RBM26: variants seen among roughly 807,000 people sequenced by gnomAD.
The protein encoded by RBM26 is RNA-binding protein 26.
A neutral mutation model predicts 123.6 loss-of-function variants in RBM26; 30 were observed. The observed-to-expected ratio is 0.24, with a 90% CI of 0.18 to 0.33. The LOEUF (loss-of-function observed/expected upper bound fraction) is 0.33, where lower values mean the gene tolerates loss of function less well. RBM26 is among the 10% of genes least tolerant of loss of function. RBM26 has a pLI of 1.00. For synonymous variants in RBM26, 400 were observed against 404.4 expected (o/e 0.99, Z 0.13); for missense variants, 947 against 1,203.6 (o/e 0.79, Z 3.15).
At chr13:79,345,641 AAAG>A (rs144494110) in intron 14 of RBM26, among the ~76,000 whole-genome samples, 4,056 of 152,208 alleles carry the variant, frequency 0.027, 185 homozygotes, top group African/African-American at 0.092. Context: ...TCTATAAAAT[AAAG>A]AAGATGAACA....
chr13:79,328,430 T>A (rs1387578309), intron 20 of RBM26, among the ~76,000 whole-genome samples: 4 of 150,658 alleles, frequency 2.7e-5, no homozygotes, highest in African/African-American at 9.8e-5. Context: ...TTAGACCAAA[T>A]AAGTTCCACG....
At chr13:79,348,047 C>G (rs769158696) in intron 14 of RBM26, among the ~76,000 whole-genome samples, 13 of 152,054 alleles carry the variant, frequency 8.5e-5, no homozygotes, top group Non-Finnish European at 1.9e-4. Context: ...CTCCCTCATT[C>G]TACTAACATC....
At chr13:79,384,543 C>G (rs1198111691) in intron 1 of RBM26, among the ~76,000 whole-genome samples, 1 of 152,042 alleles carries the variant, frequency 6.6e-6, no homozygotes, top group Non-Finnish European at 1.5e-5. Context: ...CAGGTGAGAG[C>G]AATAGTGCCC....
intron 14 of RBM26, among the ~76,000 whole-genome samples, chr13:79,346,498 A>C (rs902856244): frequency 3.3e-5 from 5 of 151,994 alleles, no homozygotes; most frequent in African/African-American, 1.2e-4. Flanking sequence ...TCAGCCTCCC[A>C]AGTAGCTGGG....
chr13:79,344,173 C>A lies in RBM26; in HGVS notation c.2259+75G>T, dbSNP rs781577365. ...CCAATTATAGTAAATCTTTTTATGA[C>A]TAGGTAGCATAAGATTAAGTTCACT... is the stretch of plus-strand genomic sequence containing the variant. On this transcript the variant is annotated intron_variant, in intron 16 of 21. Coordinates refer to ENST00000438737, the MANE Select transcript of RBM26 (RefSeq NM_001366735.2). The A allele has an allele frequency of 6.7e-6, 6 of 896,892 alleles. No homozygotes were observed. The African/African-American group carries it at 9.9e-5, about 15-fold the overall frequency. The allele number at this position is 896,892 out of a possible 1,614,324, so 55.6% of individuals were successfully genotyped here. A position where few individuals can be genotyped will look rare whatever the true frequency, so the allele number is the denominator to read the frequency against.
chr13:79,326,505 C>G (rs945218669), intron 20 of RBM26, among the ~76,000 whole-genome samples: 1 of 152,064 alleles, frequency 6.6e-6, no homozygotes, highest in East Asian at 1.9e-4. Context: ...ATAAAATTTG[C>G]TTCCCAATGC....
intron 11 of RBM26, among the ~76,000 whole-genome samples, chr13:79,357,431 T>C (rs971388874): frequency 3.3e-5 from 5 of 152,012 alleles, no homozygotes; most frequent in Non-Finnish European, 4.4e-5. Flanking sequence ...ACTTTCACCA[T>C]ATCACATAAT....
At chr13:79,399,702 G>A (rs538662243) in intron 1 of RBM26, among the ~76,000 whole-genome samples, 1 of 152,232 alleles carries the variant, frequency 6.6e-6, no homozygotes, top group Non-Finnish European at 1.5e-5. Flanking sequence ...GATAAAAACA[G>A]ATTTGTTAGG....
chr13:79,373,652 T>A (rs1413645612), intron 3 of RBM26, among the ~76,000 whole-genome samples: 1 of 30,078 alleles, frequency 3.3e-5, no homozygotes, highest in Admixed American at 3.0e-4. Flanking sequence ...TATAGTCTAT[T>A]TATATATTTA....
intron 1 of RBM26, among the ~76,000 whole-genome samples, chr13:79,382,434 GA>G: frequency 6.6e-6 from 1 of 151,876 alleles, no homozygotes. Flanking sequence ...ATAGATCGGG[GA>G]AAAAAAGAAT....
intron 1 of RBM26, 51 bp downstream of exon 1, chr13:79,405,653 C>G: frequency 7.5e-7 from 1 of 1,334,456 alleles, no homozygotes; most frequent in Non-Finnish European, 1.1e-6. Context: ...TCTCTGGGTC[C>G]GCCTATCTCC....
chr13:79,356,605 A>G (rs114343850), intron 11 of RBM26, among the ~76,000 whole-genome samples: 320 of 152,302 alleles, frequency 2.1e-3, no homozygotes, highest in African/African-American at 7.2e-3. Flanking sequence ...AACATTAATT[A>G]TAACTATAAA....
intron 1 of RBM26, among the ~76,000 whole-genome samples, chr13:79,386,585 T>C (rs1566561214): frequency 3.4e-5 from 1 of 29,484 alleles, no homozygotes; most frequent in Non-Finnish European, 8.7e-5. Context: ...CACAGAACTC[T>C]CTCTTTAAAA....
chr13:79,383,945 A>G (rs1410994363), intron 1 of RBM26, among the ~76,000 whole-genome samples: 1 of 152,198 alleles, frequency 6.6e-6, no homozygotes, highest in East Asian at 1.9e-4. Flanking sequence ...TATCCGGAAA[A>G]GAAAAAATTT....
intron 12 of RBM26, 79 bp from the exon 13 acceptor site, chr13:79,354,649 A>G (rs1452947771): frequency 2.3e-6 from 3 of 1,302,432 alleles, no homozygotes; most frequent in Admixed American, 2.6e-5. Context: ...TTGTTACTAC[A>G]TTGCCCATGC....
chr13:79,353,213 C>G lies in RBM26; in HGVS notation c.1998G>C (p.Lys666Asn). The G allele has an allele frequency of 6.3e-7, 1 of 1,574,956 alleles. No homozygotes were observed. The highest frequency in any genetic ancestry group is 8.6e-7 in the Non-Finnish European group (1 of 1,157,260). ...AACCCAACCTGTCCTTCACAGATAA[C>G]TTAGTTACATTCTAAAAAAATTAAA... The part of the protein sequence containing the change: ...ASSDLPQNVT[K>N]LSVKDRLGFV... Residue 666 changes from lysine (K) to asparagine (N), a missense_variant, in exon 14 of 22, where the codon AAG (lysine) becomes AAC (asparagine). Lys to Asn is a moderately conservative substitution (Grantham distance 94). Transcript: ENST00000438737.
downstream of RBM26, among the ~76,000 whole-genome samples, chr13:79,316,075 G>C (rs1028549719): frequency 1.6e-4 from 25 of 151,560 alleles, no homozygotes; most frequent in Non-Finnish European, 4.4e-5. Flanking sequence ...GTAATTTACA[G>C]TATTTTATAA....
chr13:79,351,986 G>C (rs1272198037), intron 14 of RBM26, among the ~76,000 whole-genome samples: 5 of 152,112 alleles, frequency 3.3e-5, no homozygotes, highest in Non-Finnish European at 4.4e-5. Context: ...GGATCACACA[G>C]CTTAGAAAAT....
chr13:79,350,273 C>T (rs1205983087), intron 14 of RBM26, among the ~76,000 whole-genome samples: 3 of 152,100 alleles, frequency 2.0e-5, no homozygotes, highest in Non-Finnish European at 4.4e-5. Flanking sequence ...TATCATAAAT[C>T]TGATATTTAA....
Sources: gnomAD v4.1 joint callset for allele counts (sites outside exome capture counted in the v4.1 genomes callset) on GRCh38, gnomAD v4.1.1 for gene constraint, MANE v1.5 for transcripts, NCBI Gene and HGNC (gene_info 2026-07-23, HGNC 2026-07-21) for gene names.